ADAMTSL3: variants seen among roughly 807,000 people sequenced by gnomAD.
ADAMTSL3 encodes the protein ADAMTS like 3.
Under a neutral mutation model 201.7 loss-of-function variants are expected in ADAMTSL3, and 128 were observed. That is an observed-to-expected ratio of 0.63 (90% CI 0.55 to 0.73). The LOEUF (loss-of-function observed/expected upper bound fraction) is 0.73, where lower values mean the gene tolerates loss of function less well. Among genes scored for constraint, ADAMTSL3 ranks in the 30% least tolerant of loss-of-function variants. ADAMTSL3 has a pLI of 0.00. For synonymous variants in ADAMTSL3, 738 were observed against 748.4 expected (o/e 0.99, Z 0.23); for missense variants, 1,990 against 2,119.6 (o/e 0.94, Z 1.20).
rs967989205 is a variant in ADAMTSL3, at chr15:83,942,601, A to G, written c.2123A>G (p.His708Arg). ...CCACTTGTTTTCTGTTTTAGGTGGC[A>G]TGTGGGCTCTTGGGGGCCCTGCTCA... ...CNTEPCPPRW[H>R]VGSWGPCSAT... Residue 708 changes from histidine to arginine, a missense_variant, in exon 18 of 30, where the codon CAT becomes CGT. His to Arg is a conservative substitution (Grantham distance 29, BLOSUM62 0). Coordinates refer to ENST00000286744, the MANE Select transcript of ADAMTSL3 (RefSeq NM_207517.3). The G allele has an allele frequency of 6.2e-7, 1 of 1,612,270 alleles. No homozygotes were observed. The highest frequency in any genetic ancestry group is 8.5e-7 in the Non-Finnish European group (1 of 1,179,344).
chr15:83,964,810 C>A (rs1426000703), intron 19 of ADAMTSL3, among the ~76,000 whole-genome samples: 1 of 152,192 alleles, frequency 6.6e-6, no homozygotes, highest in African/African-American at 2.4e-5. Flanking sequence ...GCCCATCAGA[C>A]TAACAGTGGA....
chr15:83,805,134 T>C (rs1198999868), intron 5 of ADAMTSL3, among the ~76,000 whole-genome samples: 1 of 152,248 alleles, frequency 6.6e-6, no homozygotes, highest in Non-Finnish European at 1.5e-5. Flanking sequence ...GGTCTGTTGT[T>C]ATTTCTACCT....
intron 15 of ADAMTSL3, among the ~76,000 whole-genome samples, chr15:83,908,860 C>T (rs1464805883): frequency 6.6e-6 from 1 of 152,186 alleles, no homozygotes; most frequent in African/African-American, 2.4e-5. Context: ...TACTAGTAGG[C>T]CAGGATCAAG....
intron 4 of ADAMTSL3, among the ~76,000 whole-genome samples, chr15:83,778,757 G>A (rs781363360): frequency 7.2e-5 from 11 of 152,220 alleles, no homozygotes; most frequent in East Asian, 3.9e-4. Context: ...GATCAAATCC[G>A]TACATATCAA....
chr15:83,910,800 A>G (rs11855967), intron 15 of ADAMTSL3, among the ~76,000 whole-genome samples: 93,688 of 149,754 alleles, frequency 0.63, 30,269 homozygotes, highest in African/African-American at 0.78. Flanking sequence ...ATGACTGGCT[A>G]ATTTTTTTTT....
intron 15 of ADAMTSL3, among the ~76,000 whole-genome samples, chr15:83,907,338 T>A (rs542337351): frequency 6.6e-6 from 1 of 152,340 alleles, no homozygotes; most frequent in South Asian, 2.1e-4. Context: ...ACATCTAGAA[T>A]GGTGCCATTT....
chr15:83,895,012 T>C (rs1378517225), intron 13 of ADAMTSL3, among the ~76,000 whole-genome samples: 1 of 152,218 alleles, frequency 6.6e-6, no homozygotes, highest in Non-Finnish European at 1.5e-5. Context: ...TTATTGTTAA[T>C]TTTTTCTATT....
chr15:84,016,936 T>C (rs186781151), intron 25 of ADAMTSL3, among the ~76,000 whole-genome samples: 34 of 152,256 alleles, frequency 2.2e-4, no homozygotes, highest in Admixed American at 1.3e-3. Flanking sequence ...AATCTAAGTA[T>C]TACAAGCTTA....
intron 24 of ADAMTSL3, 24 bp downstream of exon 24, chr15:84,014,748 C>T (rs897067917): frequency 6.3e-7 from 1 of 1,587,040 alleles, no homozygotes; most frequent in Non-Finnish European, 8.6e-7. Context: ...TCTTATTGCT[C>T]CTTAAGTGCC....
chr15:83,904,150 C>T (rs1234486710), intron 15 of ADAMTSL3, among the ~76,000 whole-genome samples: 1 of 151,784 alleles, frequency 6.6e-6, no homozygotes, highest in African/African-American at 2.4e-5. Flanking sequence ...GCAGACAGCA[C>T]CTGTTCCCTG....
At chr15:83,875,026 C>A (rs1204228987) in intron 9 of ADAMTSL3, among the ~76,000 whole-genome samples, 1 of 111,502 alleles carries the variant, frequency 9.0e-6, no homozygotes, top group African/African-American at 3.9e-5. Flanking sequence ...TCTATACCAT[C>A]CACCACTGTG....
intron 2 of ADAMTSL3, among the ~76,000 whole-genome samples, chr15:83,665,310 G>A (rs2061234477): frequency 6.6e-6 from 1 of 152,094 alleles, no homozygotes. Flanking sequence ...GGAAATAATT[G>A]GTTACATTTG....
intron 2 of ADAMTSL3, among the ~76,000 whole-genome samples, chr15:83,701,117 C>A (rs1207918744): frequency 2.0e-5 from 3 of 152,132 alleles, no homozygotes; most frequent in Non-Finnish European, 4.4e-5. Context: ...TAGAGTAACA[C>A]CTGTGGCCTC....
intron 28 of ADAMTSL3, 71 bp downstream of exon 28, chr15:84,031,503 A>T: frequency 7.4e-7 from 1 of 1,360,268 alleles, no homozygotes; most frequent in Non-Finnish European, 1.0e-6. Flanking sequence ...TAACTGCCTG[A>T]AAATGGAATC....
chr15:83,936,644 A>G (rs1012657193), intron 17 of ADAMTSL3, among the ~76,000 whole-genome samples: 13 of 151,028 alleles, frequency 8.6e-5, no homozygotes, highest in African/African-American at 2.7e-4. Flanking sequence ...CAATTGTGAC[A>G]AAAACAAAAA....
intron 20 of ADAMTSL3, among the ~76,000 whole-genome samples, chr15:83,980,572 A>C (rs1029095956): frequency 1.3e-5 from 2 of 152,272 alleles, no homozygotes; most frequent in Middle Eastern, 3.4e-3. Context: ...TCTCCCAAAA[A>C]GTAAAAGTAT....
rs769569225 is a variant in ADAMTSL3 at position 84,038,535 on chromosome 15, G to C, written c.*729G>C. ...AAAGTTAACCTTTTCTACTGATTTC[G>C]TAGTATATTCAGAGCTTTCTTTTAA... On this transcript the variant is annotated 3_prime_UTR_variant, in exon 30 of 30. Coordinates refer to ENST00000286744, the MANE Select transcript of ADAMTSL3 (RefSeq NM_207517.3). The C allele has an allele frequency of 6.6e-6, 1 of 152,562 alleles. No homozygotes were observed. The highest frequency in any genetic ancestry group is 1.5e-5 in the Non-Finnish European group (1 of 68,034). 9.5% of individuals were successfully genotyped at this position (152,562 alleles called of 1,614,324 possible).
chr15:83,927,051 C>T (rs900895555), intron 17 of ADAMTSL3, among the ~76,000 whole-genome samples: 7 of 152,176 alleles, frequency 4.6e-5, no homozygotes, highest in Admixed American at 3.9e-4. Flanking sequence ...ACCATGGCCC[C>T]CATGCTCCAG....
intron 15 of ADAMTSL3, among the ~76,000 whole-genome samples, chr15:83,910,530 A>G (rs2065911988): frequency 6.6e-6 from 1 of 150,850 alleles, no homozygotes; most frequent in Admixed American, 6.6e-5. Flanking sequence ...TTACTTTTTA[A>G]CAGGACTTTT....
Sources: allele counts gnomAD v4.1 joint callset (sites outside exome capture counted in the v4.1 genomes callset), GRCh38; gene constraint gnomAD v4.1.1; transcripts MANE v1.5; gene names NCBI Gene and HGNC (gene_info 2026-07-23, HGNC 2026-07-21).